KCNB2: variants seen among roughly 807,000 people sequenced by gnomAD.
The protein encoded by KCNB2 is potassium voltage-gated channel subfamily B member 2, also known as delayed rectifier potassium channel protein.
Under a neutral mutation model 61.5 loss-of-function variants are expected in KCNB2, and 15 were observed. The ratio of observed to expected loss-of-function variants is 0.24; its 90% CI spans 0.16 to 0.38. The LOEUF is 0.38. KCNB2 is among the 10% of genes least tolerant of loss of function. The pLI, the probability that KCNB2 is intolerant of heterozygous loss-of-function variation, is 1.00. For synonymous variants in KCNB2, 457 were observed against 446.0 expected, an observed-to-expected ratio of 1.02 and a Z score of -0.31; for missense variants, 828 against 1,125.2, an observed-to-expected ratio of 0.74 and a Z score of 3.78.
At chr8:72,665,462 T>C (rs917634106) in intron 2 of KCNB2, among the ~76,000 whole-genome samples, 1 of 152,004 alleles carries the variant, frequency 6.6e-6, no homozygotes, top group Non-Finnish European at 1.5e-5. Flanking sequence ...ATTTAAAAAG[T>C]GAAAGAAAAT....
At chr8:72,915,783 G>A (rs1025951085) in intron 2 of KCNB2, among the ~76,000 whole-genome samples, 13 of 152,140 alleles carry the variant, frequency 8.5e-5, no homozygotes, top group Admixed American at 7.2e-4. Flanking sequence ...GCCAGGAATG[G>A]TGGTGGGTGC....
intron 2 of KCNB2, among the ~76,000 whole-genome samples, chr8:72,821,491 AG>A (rs934012239): frequency 6.6e-6 from 1 of 152,090 alleles, no homozygotes; most frequent in Non-Finnish European, 1.5e-5. Flanking sequence ...ACTATGAAGT[AG>A]GGATAATAAT....
chr8:72,689,645 G>T (rs1224955755), intron 2 of KCNB2, among the ~76,000 whole-genome samples: 1 of 152,156 alleles, frequency 6.6e-6, no homozygotes, highest in Non-Finnish European at 1.5e-5. Context: ...TAAATGGAAT[G>T]GTACTGTATG....
chr8:72,607,901 G>A (rs1199287823), intron 2 of KCNB2, among the ~76,000 whole-genome samples: 1 of 152,038 alleles, frequency 6.6e-6, no homozygotes, highest in African/African-American at 2.4e-5. Context: ...ATTTAACTGG[G>A]TTAGTACATA....
chr8:72,824,467 C>T lies in KCNB2; in HGVS notation c.580-111468C>T, dbSNP rs1185859054. On this transcript the variant is annotated intron_variant, in intron 2 of 2. Transcript: ENST00000523207. Reference sequence around the variant, plus strand: ...GGCTTCCCTCACCTCCCAGGCATCTCGAGGTGTGCCACCAGACCGCTGCTG... The same window carrying T: ...GGCTTCCCTCACCTCCCAGGCATCTTGAGGTGTGCCACCAGACCGCTGCTG... 7.2e-5 allele frequency among the ~76,000 whole-genome samples: 11 copies of T among 152,194 alleles called. 1 individual carries two copies. Among genetic ancestry groups the T allele is most frequent in the African/African-American group, 1.9e-4 (8 of 41,526 alleles).
At chr8:72,920,437 C>A (rs11775708) in intron 2 of KCNB2, among the ~76,000 whole-genome samples, 1 of 103,308 alleles carries the variant, frequency 9.7e-6, no homozygotes, top group Non-Finnish European at 2.1e-5. Flanking sequence ...ACCCCCTCTC[C>A]ACTATATCTA....
At chr8:72,581,726 A>G (rs993452400) in intron 2 of KCNB2, among the ~76,000 whole-genome samples, 4 of 152,186 alleles carry the variant, frequency 2.6e-5, no homozygotes, top group African/African-American at 7.2e-5. Flanking sequence ...ACATTTTTAC[A>G]TTGTATAAAC....
chr8:72,667,048 GAGAT>G (rs893802443), intron 2 of KCNB2, among the ~76,000 whole-genome samples: 5 of 151,728 alleles, frequency 3.3e-5, no homozygotes, highest in Non-Finnish European at 5.9e-5. Context: ...AGAGCAGAGA[GAGAT>G]AGAGAGAAAG....
At chr8:72,597,174 C>A (rs1807212391) in intron 2 of KCNB2, among the ~76,000 whole-genome samples, 1 of 151,914 alleles carries the variant, frequency 6.6e-6, no homozygotes, top group South Asian at 2.1e-4. Context: ...CAGGCGCACG[C>A]CACCACACTC....
At chr8:72,869,705 G>C (rs1279420986) in intron 2 of KCNB2, among the ~76,000 whole-genome samples, 1 of 152,166 alleles carries the variant, frequency 6.6e-6, no homozygotes, top group Non-Finnish European at 1.5e-5. Context: ...TGTTGGCAAG[G>C]ATGTGGAGGA....
chr8:72,671,091 G>A (rs1806556932), intron 2 of KCNB2, among the ~76,000 whole-genome samples: 1 of 152,152 alleles, frequency 6.6e-6, no homozygotes, highest in Non-Finnish European at 1.5e-5. Flanking sequence ...TTATTTGACA[G>A]ATGTTTTATG....
intron 2 of KCNB2, among the ~76,000 whole-genome samples, chr8:72,913,093 C>T (rs1806330071): frequency 6.6e-6 from 1 of 152,242 alleles, no homozygotes; most frequent in East Asian, 1.9e-4. Flanking sequence ...AGGCCAAACT[C>T]AGAGCTAAAG....
At chr8:72,920,469 CTATCTA>C (rs1458055228) in intron 2 of KCNB2, among the ~76,000 whole-genome samples, 2 of 71,274 alleles carry the variant, frequency 2.8e-5, no homozygotes, top group Non-Finnish European at 5.9e-5. Context: ...ATCTATCTAT[CTATCTA>C]TATATATATA....
chr8:72,567,346 G>T (rs932450169), intron 1 of KCNB2, among the ~76,000 whole-genome samples: 3 of 152,096 alleles, frequency 2.0e-5, no homozygotes, highest in Admixed American at 1.3e-4. Context: ...GGATCTTTTA[G>T]TCTGCAGCTT....
chr8:72,742,885 A>G (rs938125895), intron 2 of KCNB2, among the ~76,000 whole-genome samples: 5 of 152,174 alleles, frequency 3.3e-5, no homozygotes, highest in African/African-American at 1.2e-4. Flanking sequence ...TTAAAAAATG[A>G]TAGCTACACT....
At chr8:72,681,083 A>G (rs1392757972) in intron 2 of KCNB2, among the ~76,000 whole-genome samples, 1 of 152,206 alleles carries the variant, frequency 6.6e-6, no homozygotes, top group African/African-American at 2.4e-5. Context: ...ATTAAAGACA[A>G]TGTGAAAAAT....
chr8:72,778,855 A>G (rs1808709633), intron 2 of KCNB2, among the ~76,000 whole-genome samples: 1 of 151,896 alleles, frequency 6.6e-6, no homozygotes, highest in Non-Finnish European at 1.5e-5. Flanking sequence ...GTCATATATT[A>G]TATCCCAACA....
At chr8:72,619,270 T>C in intron 2 of KCNB2, 1 of 618,780 alleles carries the variant, frequency 1.6e-6, no homozygotes, top group South Asian at 1.4e-5. Context: ...ACCAAAGCAT[T>C]CAGATACCTG....
chr8:72,712,238 G>A (rs1027347976), intron 2 of KCNB2, among the ~76,000 whole-genome samples: 1 of 152,188 alleles, frequency 6.6e-6, no homozygotes, highest in African/African-American at 2.4e-5. Flanking sequence ...AAAAGGGAGA[G>A]AAGAAGGAGC....
Sources: gnomAD v4.1 joint callset for allele counts (sites outside exome capture counted in the v4.1 genomes callset) on GRCh38, gnomAD v4.1.1 for gene constraint, MANE v1.5 for transcripts, NCBI Gene and HGNC (gene_info 2026-07-23, HGNC 2026-07-21) for gene names.